The following SLC23A2 variants were observed in gnomAD, a reference collection of about 807,000 sequenced individuals.
SLC23A2 encodes the protein Na(+)/L-ascorbic acid transporter 2.
A neutral mutation model predicts 73.3 loss-of-function variants in SLC23A2; 36 were observed. That is an observed-to-expected ratio of 0.49 (90% CI 0.38 to 0.65). The LOEUF is 0.65. Among genes scored for constraint, SLC23A2 ranks in the 30% least tolerant of loss-of-function variants. The probability of loss-of-function intolerance (pLI) is 0.00; values close to 1 mark genes in which losing one functional copy is unlikely to be tolerated. For missense variants in SLC23A2, 507 were observed against 841.6 expected (o/e 0.60, Z 4.92); for synonymous variants, 343 against 327.3 (o/e 1.05, Z -0.52).
At chr20:4,957,533 A>T (rs1313780329) in intron 2 of SLC23A2, among the ~76,000 whole-genome samples, 1 of 151,056 alleles carries the variant, frequency 6.6e-6, no homozygotes, top group East Asian at 1.9e-4. Context: ...TGAGGAAAAA[A>T]CTTTGATGGT....
intron 2 of SLC23A2, among the ~76,000 whole-genome samples, chr20:4,967,797 T>C (rs1054360431): frequency 2.0e-5 from 3 of 152,190 alleles, no homozygotes; most frequent in African/African-American, 7.2e-5. Flanking sequence ...TTCTAGCAAA[T>C]GCTAAAATAC....
intron 9 of SLC23A2, among the ~76,000 whole-genome samples, chr20:4,875,623 C>T (rs892996420): frequency 3.3e-5 from 5 of 152,194 alleles, no homozygotes; most frequent in African/African-American, 7.2e-5. Context: ...GACCCCTCCA[C>T]GGCAGGACCA....
At position 4,883,840 on chromosome 20, in the gene SLC23A2, C is replaced by T. The variant is rs1328967736; in HGVS notation, c.643-17G>A. 1 of 1,590,484 alleles carries T rather than the reference C, an allele frequency of 6.3e-7. No homozygotes were observed. Among genetic ancestry groups the T allele is most frequent in the Admixed American group, 1.7e-5 (1 of 57,778 alleles). On this transcript the variant is annotated splice_polypyrimidine_tract_variant and intron_variant, in intron 8 of 16. Transcript: ENST00000338244. This position sits in a 1 kb window ranked among gnomAD's most constrained non-coding sequence, Gnocchi z 4.5. The stretch of plus-strand genomic sequence containing the variant: ...CCCCTGGATCTGCAACAAGAGATGG[C>T]ACAGACATGAGAGTGAGCTGCTTGT...
chr20:4,981,882 T>C (rs1176269807), intron 1 of SLC23A2, among the ~76,000 whole-genome samples: 6 of 152,066 alleles, frequency 3.9e-5, no homozygotes, highest in Admixed American at 2.0e-4. Flanking sequence ...TTTGCATTTT[T>C]AGTGGAGACA....
intron 1 of SLC23A2, among the ~76,000 whole-genome samples, chr20:4,990,638 G>A (rs1290085704): frequency 6.9e-6 from 1 of 145,036 alleles, no homozygotes; most frequent in Non-Finnish European, 1.5e-5. Flanking sequence ...CTCCCAAAGT[G>A]CTGGGATTTC....
At chr20:5,005,440 A>C (rs1009411767), upstream of SLC23A2, among the ~76,000 whole-genome samples, 1 of 152,156 alleles carries the variant, frequency 6.6e-6, no homozygotes, top group Non-Finnish European at 1.5e-5. Flanking sequence ...AAATCAGCAG[A>C]ATATATCAAG....
chr20:4,950,273 C>G (rs1252330679), intron 2 of SLC23A2, among the ~76,000 whole-genome samples: 3 of 152,218 alleles, frequency 2.0e-5, no homozygotes, highest in African/African-American at 7.2e-5. Context: ...ACCCATGCTG[C>G]TTCCAGCTCA....
chr20:4,862,842 C>T lies in SLC23A2; in HGVS notation c.1422G>A (p.Lys474=), dbSNP rs780116160. ...ALMLALGMIG[K]FSALFASLPD... is the part of the protein sequence containing the mutation. ...GAAGGGACGCAAAGAGGGCGCTGAA[C>T]TTCCCGATCATGCCCAGAGCGAGCA... Residue 474 remains lysine (K), a synonymous_variant, in exon 14 of 17, where the codon AAG becomes AAA. Coordinates refer to ENST00000338244, the MANE Select transcript of SLC23A2 (RefSeq NM_005116.6). This position sits in a 1 kb window ranked among gnomAD's most constrained non-coding sequence, Gnocchi z 5.1. 46 of 1,614,054 alleles carry T rather than the reference C, an allele frequency of 2.8e-5. No individual in the cohort carries two copies. The highest frequency in any genetic ancestry group is 3.6e-5 in the Non-Finnish European group (43 of 1,180,022).
intron 6 of SLC23A2, among the ~76,000 whole-genome samples, chr20:4,889,169 T>C (rs1223070733): frequency 6.6e-6 from 1 of 152,212 alleles, no homozygotes; most frequent in Non-Finnish European, 1.5e-5. Flanking sequence ...TGTGAAATGC[T>C]GTGGGACTCT....
At chr20:4,934,430 C>A (rs768267390) in intron 2 of SLC23A2, among the ~76,000 whole-genome samples, 1 of 152,156 alleles carries the variant, frequency 6.6e-6, no homozygotes, top group Non-Finnish European at 1.5e-5. Context: ...CCAAGGATGG[C>A]ATCCCAGATG....
In SLC23A2 at chr20:4,853,954, G is replaced by A. The variant is rs573413314; in HGVS notation, c.*3018C>T. 1 of 152,320 alleles carries A rather than the reference G, an allele frequency of 6.6e-6. No individual in the cohort carries two copies. Among genetic ancestry groups the A allele is most frequent in the South Asian group, 2.1e-4 (1 of 4,830 alleles). The allele number at this position is 152,320 out of a possible 1,614,324, so 9.4% of individuals were successfully genotyped here. A position where few individuals can be genotyped will look rare whatever the true frequency, so the allele number is the denominator to read the frequency against. On this transcript the variant is annotated 3_prime_UTR_variant, in exon 17 of 17. Coordinates refer to ENST00000338244, the MANE Select transcript of SLC23A2 (RefSeq NM_005116.6). ...CCATTATTCTGTGAAGCAGGGGTGG[G>A]GGCCCTCCATCCCCCACTGTGAATA...
At chr20:4,957,510 G>T (rs2087309657) in intron 2 of SLC23A2, among the ~76,000 whole-genome samples, 1 of 151,342 alleles carries the variant, frequency 6.6e-6, no homozygotes. Flanking sequence ...TTTAAAGAGG[G>T]GGATAGATTA....
At chr20:4,958,426 T>C (rs1355626189) in intron 2 of SLC23A2, among the ~76,000 whole-genome samples, 1 of 152,228 alleles carries the variant, frequency 6.6e-6, no homozygotes, top group African/African-American at 2.4e-5. Flanking sequence ...TTTAACATTC[T>C]TCACTATAAA....
At chr20:4,892,973 T>A (rs11698817) in intron 6 of SLC23A2, among the ~76,000 whole-genome samples, 4 of 152,076 alleles carry the variant, frequency 2.6e-5, no homozygotes, top group Non-Finnish European at 5.9e-5. Flanking sequence ...TTGTTAATGT[T>A]CTTAGGTGTG....
chr20:4,972,864 A>G (rs544130388), intron 1 of SLC23A2, among the ~76,000 whole-genome samples: 1 of 148,556 alleles, frequency 6.7e-6, no homozygotes, highest in African/African-American at 2.6e-5. Context: ...GATTACAGGC[A>G]CAAGCCACTA....
chr20:4,999,087 G>A (rs1382707340), intron 1 of SLC23A2, among the ~76,000 whole-genome samples: 1 of 152,170 alleles, frequency 6.6e-6, no homozygotes, highest in African/African-American at 2.4e-5. Context: ...TTACAGGCAT[G>A]AGCCACCATG....
At chr20:4,921,799 A>G (rs1932507319) in intron 3 of SLC23A2, among the ~76,000 whole-genome samples, 1 of 152,212 alleles carries the variant, frequency 6.6e-6, no homozygotes, top group South Asian at 2.1e-4. Context: ...TGAAAAAGGG[A>G]CAGAAAATAC....
At chr20:4,888,552 CAGG>C (rs1373033232) in intron 6 of SLC23A2, among the ~76,000 whole-genome samples, 2 of 152,302 alleles carry the variant, frequency 1.3e-5, no homozygotes, top group East Asian at 3.9e-4. Flanking sequence ...CTCAGGACAG[CAGG>C]AGAACCTAAG....
intron 6 of SLC23A2, among the ~76,000 whole-genome samples, chr20:4,891,593 T>A (rs1246595314): frequency 6.6e-6 from 1 of 152,124 alleles, no homozygotes; most frequent in Non-Finnish European, 1.5e-5. Context: ...CCTGCTACAC[T>A]CATCAGGTCT....
Sources: allele counts gnomAD v4.1 joint callset (sites outside exome capture counted in the v4.1 genomes callset), GRCh38; gene constraint gnomAD v4.1.1; non-coding constraint Gnocchi (gnomAD v3.1); transcripts MANE v1.5; gene names NCBI Gene and HGNC (gene_info 2026-07-23, HGNC 2026-07-21).